SPATC1L: variants seen among roughly 807,000 people sequenced by gnomAD.
SPATC1L encodes speriolin-like protein.
A neutral mutation model predicts 21.2 loss-of-function variants in SPATC1L; 20 were observed. That is an observed-to-expected ratio of 0.94 (90% CI 0.66 to 1.37). The LOEUF (loss-of-function observed/expected upper bound fraction) is 1.37, where lower values mean the gene tolerates loss of function less well. Among genes scored for constraint, SPATC1L ranks in the 40% most tolerant of loss-of-function variants. The pLI is 0.00. For missense variants in SPATC1L, 499 were observed against 478.7 expected (o/e 1.04, Z -0.40); for synonymous variants, 290 against 234.5 (o/e 1.24, Z -2.16).
chr21:46,181,506 G>C (rs1052386412), intron 2 of SPATC1L, among the ~76,000 whole-genome samples: 1 of 152,190 alleles, frequency 6.6e-6, no homozygotes, highest in African/African-American at 2.4e-5. Flanking sequence ...ATGGAGCTCC[G>C]AGCAGGGCCT....
At position 46,178,257 on chromosome 21, in the gene SPATC1L, C is replaced by CAAAA. The variant is rs1477962807; in HGVS notation, c.193+4366_193+4367insTTTT. Among the ~76,000 whole-genome samples, 113 of 124,048 alleles carry CAAAA rather than the reference C, an allele frequency of 9.1e-4. 1 individual carries two copies. Among genetic ancestry groups the CAAAA allele is most frequent in the Middle Eastern group, 4.9e-3 (1 of 206 alleles). The allele number at this position is 124,048 out of a possible 152,430, so 81.4% of individuals were successfully genotyped here. On this transcript the variant is annotated intron_variant, in intron 2 of 4. Coordinates refer to ENST00000291672, the MANE Select transcript of SPATC1L (RefSeq NM_001142854.2). ...CAAAAAAAAAAAAAAAAAAAAAAAA[C>CAAAA]CAGAATGAGATCATATCCTTTGCAT...
At chr21:46,183,952 T>TGC (rs2079702945) in intron 1 of SPATC1L, among the ~76,000 whole-genome samples, 178 bp from the exon 2 acceptor site, 2 of 133,070 alleles carry the variant, frequency 1.5e-5, no homozygotes. Flanking sequence ...GAGACCAGCC[T>TGC]GGGGGAGGAG....
At chr21:46,172,071 G>A (rs1336190493) in intron 2 of SPATC1L, among the ~76,000 whole-genome samples, 1 of 150,856 alleles carries the variant, frequency 6.6e-6, no homozygotes, top group African/African-American at 2.4e-5. Flanking sequence ...TGCAGAGCAT[G>A]AGGCGGGGGA....
At chr21:46,167,586 A>G (rs1012291968) in intron 3 of SPATC1L, among the ~76,000 whole-genome samples, 5 of 152,166 alleles carry the variant, frequency 3.3e-5, no homozygotes, top group Admixed American at 3.3e-4. Context: ...AGGCCGAGGC[A>G]GGCGAATTGC....
rs2079696427 is a variant in SPATC1L, at chr21:46,183,484, A to AGACCAGCTTGTGGG, written c.-669_-668insCCCACAAGCTGGTC. On this transcript the variant is annotated 5_prime_UTR_variant, in exon 2 of 5. Coordinates refer to ENST00000291672, the MANE Select transcript of SPATC1L (RefSeq NM_001142854.2). ...GTCTGCGGGGGAGACCAGCCTGGGGAGGAGACCAGCCTGCAGGGGAGACCA... is the reference window on the plus strand; with the variant it reads ...GTCTGCGGGGGAGACCAGCCTGGGGAGACCAGCTTGTGGGGGAGACCAGCCTGCAGGGGAGACCA... The AGACCAGCTTGTGGG allele has an allele frequency of 1.2e-5, 1 of 83,142 alleles. No homozygotes were observed. Among genetic ancestry groups the AGACCAGCTTGTGGG allele is most frequent in the Non-Finnish European group, 2.4e-5 (1 of 41,884 alleles). 5.2% of individuals were successfully genotyped at this position (83,142 alleles called of 1,614,324 possible).
chr21:46,162,605 T>C (rs2079510390), intron 3 of SPATC1L, among the ~76,000 whole-genome samples: 1 of 150,872 alleles, frequency 6.6e-6, no homozygotes, highest in African/African-American at 2.4e-5. Context: ...TTTTTTTTCT[T>C]AGACAGAGTC....
intron 2 of SPATC1L, among the ~76,000 whole-genome samples, chr21:46,178,244 A>C (rs796513576): frequency 5.1e-4 from 77 of 151,714 alleles, no homozygotes; most frequent in African/African-American, 1.7e-3. Context: ...AAAAAAAAAA[A>C]AAAAAAAAAA....
chr21:46,181,505 C>T (rs768929489), intron 2 of SPATC1L, among the ~76,000 whole-genome samples: 9 of 152,202 alleles, frequency 5.9e-5, no homozygotes, highest in Non-Finnish European at 8.8e-5. Flanking sequence ...CATGGAGCTC[C>T]GAGCAGGGCC....
At chr21:46,181,353 A>G (rs1292487311) in intron 2 of SPATC1L, among the ~76,000 whole-genome samples, 1 of 152,106 alleles carries the variant, frequency 6.6e-6, no homozygotes, top group Non-Finnish European at 1.5e-5. Context: ...CCCCAGCCAC[A>G]CTGTCCCCGC....
Position 46,161,975 on chromosome 21 carries a change from G to A in SPATC1L, c.637C>T (p.Pro213Ser), listed in dbSNP as rs1370752053. ...AAGCCGTAGAGCCGCGTCACGCCCG[G>A]GAACACGTAGGCCAGGATGCGGCGG... ...LDRRILAYVF[P>S]GVTRLYGFTV... Residue 213 changes from proline (P) to serine (S), a missense_variant, in exon 4 of 5, where the codon CCG (proline) becomes TCG (serine). Transcript: ENST00000291672. 1.2e-6 allele frequency: 2 copies of A among 1,607,580 alleles called. No individual in the cohort carries two copies. Among genetic ancestry groups the A allele is most frequent in the African/African-American group, 1.3e-5 (1 of 74,906 alleles).
chr21:46,175,171 G>A (rs903302561), intron 2 of SPATC1L, among the ~76,000 whole-genome samples: 5 of 152,200 alleles, frequency 3.3e-5, no homozygotes, highest in Middle Eastern at 3.4e-3. Flanking sequence ...GTGTTAAGAG[G>A]GAAATTTATA....
In SPATC1L at chr21:46,168,283, C is replaced by A. The variant is rs776802074; in HGVS notation, c.544+25G>T. 44 of 1,512,974 alleles carry A rather than the reference C, an allele frequency of 2.9e-5. No homozygotes were observed. The Admixed American group carries it at 8.2e-4, about 28-fold the overall frequency. The allele number at this position is 1,512,974 out of a possible 1,614,324, so 93.7% of individuals were successfully genotyped here. ...TGCCAGCCTGCACTGGGGGCCCCCC[C>A]AGGTGCCCCCGCACCCGGCCATACC... On this transcript the variant is annotated intron_variant, in intron 3 of 4. Transcript: ENST00000291672.
intron 4 of SPATC1L, 34 bp downstream of exon 4, chr21:46,161,882 A>C (rs778803745): frequency 2.5e-6 from 4 of 1,595,182 alleles, no homozygotes; most frequent in Non-Finnish European, 3.4e-6. Context: ...AGCGCCCCGC[A>C]CCCTCCTGGC....
In SPATC1L at chr21:46,161,295, T is replaced by C. The variant is rs1215567241; in HGVS notation, c.*84A>G. 1.9e-5 allele frequency: 25 copies of C among 1,321,486 alleles called. No individual in the cohort carries two copies. The highest frequency in any genetic ancestry group is 3.0e-6 in the Non-Finnish European group (3 of 1,005,700). 81.9% of individuals were successfully genotyped at this position (1,321,486 alleles called of 1,614,324 possible). ...GCGCGGGGGACGCGGCCCTTTCCCC[T>C]CCGGGGGGACGCGCAGGAGGCACCG... is the stretch of plus-strand genomic sequence containing the variant. On this transcript the variant is annotated 3_prime_UTR_variant, in exon 5 of 5. Coordinates refer to ENST00000291672, the MANE Select transcript of SPATC1L (RefSeq NM_001142854.2).
intron 2 of SPATC1L, among the ~76,000 whole-genome samples, chr21:46,179,076 A>C (rs1236703481): frequency 1.7e-5 from 2 of 121,164 alleles, no homozygotes; most frequent in Non-Finnish European, 3.3e-5. Flanking sequence ...CTGTCTCTAC[A>C]AAAAAAAAAA....
intron 2 of SPATC1L, among the ~76,000 whole-genome samples, chr21:46,177,009 G>A (rs1827193227): frequency 6.6e-6 from 1 of 152,176 alleles, no homozygotes; most frequent in South Asian, 2.1e-4. Flanking sequence ...AACAAGCAAT[G>A]AGGAAAGGAC....
At chr21:46,166,926 A>G (rs539941496) in intron 3 of SPATC1L, among the ~76,000 whole-genome samples, 33 of 152,236 alleles carry the variant, frequency 2.2e-4, no homozygotes, top group Non-Finnish European at 4.1e-4. Flanking sequence ...CCAAATGAAC[A>G]TGATAGATAT....
In SPATC1L at chr21:46,168,463, T is replaced by C. The variant is rs1403418647; in HGVS notation, c.389A>G (p.Asp130Gly). The C allele has an allele frequency of 2.5e-6, 4 of 1,588,120 alleles. No homozygotes were observed. The highest frequency in any genetic ancestry group is 2.6e-6 in the Non-Finnish European group (3 of 1,166,988). The change falls in exon 3 of 5, where the codon GAC becomes GGC. Residue 130 changes from aspartate (D) to glycine (G), a missense_variant. By Grantham distance (94) the Asp-to-Gly change is moderately conservative. Transcript: ENST00000291672. ...GCTCAGGAGCGGGGACAGCTTCCTG[T>C]CGGTGCCTCGGTGGCTATGTGGCTC... ...PPEPHSHRGT[D>G]RKLSPLLSPL...
At chr21:46,161,852 G>C in intron 4 of SPATC1L, 64 bp downstream of exon 4, 1 of 1,567,218 alleles carries the variant, frequency 6.4e-7, no homozygotes, top group Non-Finnish European at 8.6e-7. Context: ...AAGATCTGGG[G>C]GCCGCACAGG....
Sources: gnomAD v4.1 joint callset for allele counts (sites outside exome capture counted in the v4.1 genomes callset) on GRCh38, gnomAD v4.1.1 for gene constraint, MANE v1.5 for transcripts, NCBI Gene and HGNC (gene_info 2026-07-23, HGNC 2026-07-21) for gene names.